ZNF277: variants seen among roughly 807,000 people sequenced by gnomAD.
The protein encoded by ZNF277 is nuclear receptor-interacting factor 4.
In ZNF277, 55 loss-of-function variants were observed where a neutral mutation model predicts 60.7. That is an observed-to-expected ratio of 0.91 (90% CI 0.73 to 1.13). The LOEUF (loss-of-function observed/expected upper bound fraction) is 1.13. Among genes scored for constraint, ZNF277 ranks in the 50% most tolerant of loss-of-function variants. The pLI is 0.00. For missense variants in ZNF277, 510 were observed against 523.0 expected (o/e 0.98, Z 0.24); for synonymous variants, 178 against 179.3 (o/e 0.99, Z 0.06).
chr7:112,329,026 T>C (rs1793167012), intron 6 of ZNF277, among the ~76,000 whole-genome samples: 1 of 152,164 alleles, frequency 6.6e-6, no homozygotes, highest in Non-Finnish European at 1.5e-5. Context: ...ATGTGCCTTC[T>C]AGCAAGATTA....
Position 112,265,480 on chromosome 7 carries a change from T to C in ZNF277, c.92-21393T>C, listed in dbSNP as rs181177289. On this transcript the variant is annotated intron_variant, in intron 1 of 11. Transcript: ENST00000361822. ...AATTAGTAACATCAAGTATCACTGA[T>C]CACAGATCGCCATATCAGATATAAT... Among the ~76,000 whole-genome samples, 123 of 152,278 alleles carry C rather than the reference T, an allele frequency of 8.1e-4. No homozygotes were observed. In the Middle Eastern group the frequency reaches 0.014, roughly 17 times the overall value.
chr7:112,274,886 C>T (rs1791758109), intron 1 of ZNF277, among the ~76,000 whole-genome samples: 1 of 152,178 alleles, frequency 6.6e-6, no homozygotes, highest in Admixed American at 6.5e-5. Flanking sequence ...CTATCTGTGT[C>T]AGAGTTTACC....
chr7:112,246,591 G>A (rs577843091), intron 1 of ZNF277, among the ~76,000 whole-genome samples: 1 of 152,332 alleles, frequency 6.6e-6, no homozygotes, highest in East Asian at 1.9e-4. Context: ...CCTCATTTGA[G>A]ATTGGATGAT....
intron 1 of ZNF277, among the ~76,000 whole-genome samples, chr7:112,269,692 A>C (rs1433313470): frequency 6.6e-6 from 1 of 152,068 alleles, no homozygotes; most frequent in Admixed American, 6.5e-5. Context: ...TTTTGATTCT[A>C]GGTCCTTTCT....
chr7:112,254,740 G>A (rs578007416), intron 1 of ZNF277, among the ~76,000 whole-genome samples: 6 of 152,228 alleles, frequency 3.9e-5, no homozygotes, highest in East Asian at 3.9e-4. Context: ...AGGCCAAAGC[G>A]GGAAGATTGC....
At chr7:112,334,779 T>C (rs942544625) in intron 7 of ZNF277, among the ~76,000 whole-genome samples, 1 of 152,156 alleles carries the variant, frequency 6.6e-6, no homozygotes, top group African/African-American at 2.4e-5. Context: ...CTTGCAGCAA[T>C]AAAACCATGA....
At chr7:112,291,973 A>G (rs1381318677) in intron 2 of ZNF277, among the ~76,000 whole-genome samples, 1 of 152,148 alleles carries the variant, frequency 6.6e-6, no homozygotes, top group Non-Finnish European at 1.5e-5. Context: ...AGTTTTGGTT[A>G]GGAAGAGAAC....
chr7:112,215,002 G>A (rs1821844292), intron 1 of ZNF277, among the ~76,000 whole-genome samples: 1 of 152,078 alleles, frequency 6.6e-6, no homozygotes, highest in Admixed American at 6.5e-5. Flanking sequence ...GTGTGGTGAG[G>A]GCAGAGTATG....
intron 1 of ZNF277, among the ~76,000 whole-genome samples, chr7:112,208,530 C>CCT (rs544020930): frequency 0.013 from 1,905 of 151,354 alleles, 43 homozygotes; most frequent in African/African-American, 0.044. Context: ...CACCTCACAG[C>CCT]ACCACTCCCC....
chr7:112,327,319 C>T (rs181769757), intron 5 of ZNF277, among the ~76,000 whole-genome samples: 3 of 152,234 alleles, frequency 2.0e-5, no homozygotes, highest in African/African-American at 4.8e-5. Flanking sequence ...AAAGGGTTCG[C>T]GCTCCTATGA....
At chr7:112,311,428 G>A (rs1792730461) in intron 4 of ZNF277, among the ~76,000 whole-genome samples, 1 of 152,004 alleles carries the variant, frequency 6.6e-6, no homozygotes, top group South Asian at 2.1e-4. Flanking sequence ...GCTTCTTTGA[G>A]AGGCTCAAAT....
intron 1 of ZNF277, among the ~76,000 whole-genome samples, chr7:112,263,981 AAC>A (rs1191844408): frequency 6.6e-6 from 1 of 152,144 alleles, no homozygotes; most frequent in Admixed American, 6.6e-5. Flanking sequence ...CACCTCTGGA[AAC>A]ACAGATTTCA....
intron 2 of ZNF277, among the ~76,000 whole-genome samples, chr7:112,289,554 G>A (rs968101904): frequency 6.6e-6 from 1 of 152,134 alleles, no homozygotes; most frequent in African/African-American, 2.4e-5. Context: ...GTGTGTGTAT[G>A]TCTTTATTCT....
intron 1 of ZNF277, among the ~76,000 whole-genome samples, chr7:112,276,672 AATT>A (rs1317536812): frequency 6.6e-6 from 1 of 152,170 alleles, no homozygotes; most frequent in Non-Finnish European, 1.5e-5. Context: ...TAATTATAGC[AATT>A]ATTATTAGTA....
intron 4 of ZNF277, among the ~76,000 whole-genome samples, chr7:112,311,261 A>C (rs912207191): frequency 2.0e-5 from 3 of 152,092 alleles, no homozygotes; most frequent in African/African-American, 7.2e-5. Flanking sequence ...CTAGGCATTG[A>C]CCCCTTTGCT....
At position 112,295,949 on chromosome 7, in the gene ZNF277, C is replaced by T; in HGVS notation, c.374C>T (p.Ala125Val). 1 of 1,609,610 alleles carries T rather than the reference C, an allele frequency of 6.2e-7. No homozygotes were observed. The highest frequency in any genetic ancestry group is 8.5e-7 in the Non-Finnish European group (1 of 1,176,236). The change falls in exon 3 of 12, where the codon GCT (alanine) becomes GTT (valine). Residue 125 changes from alanine to valine, a missense_variant. Physicochemically the swap from Ala to Val is moderately conservative, Grantham distance 64. Coordinates refer to ENST00000361822, the MANE Select transcript of ZNF277 (RefSeq NM_021994.3). ...FCSVIRINST[A>V]PFEEQENYFL... ...AGTGTAATAAGAATTAATTCCACTG[C>T]TCCATTTGGTAAGTGTACATCTTGG... is the stretch of plus-strand genomic sequence containing the variant.
At chr7:112,226,814 C>G (rs140580998) in intron 1 of ZNF277, among the ~76,000 whole-genome samples, 151 of 152,206 alleles carry the variant, frequency 9.9e-4, no homozygotes, top group Middle Eastern at 3.4e-3. Flanking sequence ...ATCTAGGCAT[C>G]TCTTTGATGT....
chr7:112,278,470 C>A (rs10262723), intron 1 of ZNF277, among the ~76,000 whole-genome samples: 8,735 of 152,210 alleles, frequency 0.057, 670 homozygotes, highest in African/African-American at 0.18. Context: ...AACCATTCTC[C>A]TTATTACCAG....
intron 4 of ZNF277, among the ~76,000 whole-genome samples, chr7:112,306,190 T>C (rs898991885): frequency 6.6e-6 from 1 of 151,404 alleles, no homozygotes. Context: ...AGGTTTTCTC[T>C]CCTCTGAGAT....
Sources: gnomAD v4.1 joint callset for allele counts (sites outside exome capture counted in the v4.1 genomes callset) on GRCh38, gnomAD v4.1.1 for gene constraint, MANE v1.5 for transcripts, NCBI Gene and HGNC (gene_info 2026-07-23, HGNC 2026-07-21) for gene names.